Variants in TRERF1 observed in about 807,000 individuals in gnomAD.
TRERF1 encodes the protein transcriptional regulating factor 1.
In TRERF1, 27 loss-of-function variants were observed where a neutral mutation model predicts 122.9. The ratio of observed to expected loss-of-function variants is 0.22; its 90% confidence interval spans 0.16 to 0.30. TRERF1 has a LOEUF of 0.30. Among genes scored for constraint, TRERF1 ranks in the 10% least tolerant of loss-of-function variants. TRERF1 has a pLI of 1.00. For synonymous variants in TRERF1, 636 were observed against 641.7 expected, an observed-to-expected ratio of 0.99 and a Z score of 0.13; for missense variants, 1,248 against 1,560.3, an observed-to-expected ratio of 0.80 and a Z score of 3.37.
intron 12 of TRERF1, among the ~76,000 whole-genome samples, chr6:42,255,567 C>A (rs543740820): frequency 2.0e-5 from 3 of 152,282 alleles, no homozygotes; most frequent in African/African-American, 7.2e-5. Flanking sequence ...GGCCCTACTC[C>A]CAAGCCTCTG....
intron 13 of TRERF1, among the ~76,000 whole-genome samples, chr6:42,252,511 C>G (rs1202876048): frequency 6.6e-6 from 1 of 152,142 alleles, no homozygotes; most frequent in Non-Finnish European, 1.5e-5. Context: ...AGTCAGGAGC[C>G]AAAGGAGATC....
intron 3 of TRERF1, among the ~76,000 whole-genome samples, chr6:42,305,237 G>A (rs1308003415): frequency 5.9e-5 from 9 of 152,176 alleles, no homozygotes. Flanking sequence ...CCTCCTTACA[G>A]GGGTAGAAAT....
chr6:42,273,786 G>A (rs1780671152), intron 4 of TRERF1, among the ~76,000 whole-genome samples: 1 of 152,334 alleles, frequency 6.6e-6, no homozygotes, highest in African/African-American at 2.4e-5. Context: ...TCTTCACTTA[G>A]CCTTCCTTAA....
At chr6:42,312,236 G>A (rs1364039712) in intron 3 of TRERF1, among the ~76,000 whole-genome samples, 1 of 152,132 alleles carries the variant, frequency 6.6e-6, no homozygotes, top group Non-Finnish European at 1.5e-5. Context: ...AGAGCAGTCT[G>A]AATGGAACCT....
chr6:42,241,217 C>T (rs1286312273), intron 15 of TRERF1, among the ~76,000 whole-genome samples: 3 of 151,960 alleles, frequency 2.0e-5, no homozygotes, highest in African/African-American at 4.8e-5. Flanking sequence ...AGGCCACAAA[C>T]GAGCAAAAGA....
chr6:42,365,798 T>G (rs1219605617), intron 2 of TRERF1, among the ~76,000 whole-genome samples: 2 of 152,114 alleles, frequency 1.3e-5, no homozygotes, highest in Non-Finnish European at 2.9e-5. Flanking sequence ...ATGATAAATG[T>G]CTCCTAAGTT....
chr6:42,408,373 C>CTCT (rs1554207124), intron 2 of TRERF1, among the ~76,000 whole-genome samples: 1 of 62,968 alleles, frequency 1.6e-5, no homozygotes, highest in Non-Finnish European at 2.8e-5. Flanking sequence ...ATATATATAT[C>CTCT]TTTTTTTTTT....
chr6:42,434,021 T>C (rs1241857505), intron 2 of TRERF1, among the ~76,000 whole-genome samples: 1 of 152,158 alleles, frequency 6.6e-6, no homozygotes, highest in East Asian at 1.9e-4. Context: ...AGCAAGACCC[T>C]GTCTCTGTTT....
chr6:42,247,329 G>A (rs1211217742), intron 13 of TRERF1, among the ~76,000 whole-genome samples: 2 of 152,216 alleles, frequency 1.3e-5, no homozygotes, highest in Non-Finnish European at 2.9e-5. Flanking sequence ...CAAGCAAGAT[G>A]CTGTACTAGG....
intron 3 of TRERF1, among the ~76,000 whole-genome samples, chr6:42,336,499 C>G (rs534560972): frequency 6.6e-6 from 1 of 152,286 alleles, no homozygotes; most frequent in African/African-American, 2.4e-5. Flanking sequence ...CTTCTGCAGA[C>G]TGCCTTATTT....
At chr6:42,339,222 C>T (rs1164100601) in intron 3 of TRERF1, among the ~76,000 whole-genome samples, 1 of 152,210 alleles carries the variant, frequency 6.6e-6, no homozygotes, top group South Asian at 2.1e-4. Context: ...TTCTCCATCA[C>T]CATTCCTTTG....
chr6:42,331,597 T>G (rs1202007271), intron 3 of TRERF1, among the ~76,000 whole-genome samples: 1 of 152,156 alleles, frequency 6.6e-6, no homozygotes, highest in Non-Finnish European at 1.5e-5. Context: ...TCCCGCAGAA[T>G]GAAGGGCCAC....
chr6:42,383,058 A>G (rs1244066187), intron 2 of TRERF1, among the ~76,000 whole-genome samples: 3 of 152,064 alleles, frequency 2.0e-5, no homozygotes, highest in African/African-American at 7.2e-5. Flanking sequence ...CTGGCTCTCC[A>G]AAAAATAAAA....
chr6:42,277,667 A>G (rs1242344126), intron 4 of TRERF1, among the ~76,000 whole-genome samples: 1 of 152,124 alleles, frequency 6.6e-6, no homozygotes, highest in Non-Finnish European at 1.5e-5. Flanking sequence ...TCTAGGCAAC[A>G]TAGTGAGACC....
intron 4 of TRERF1, among the ~76,000 whole-genome samples, chr6:42,288,574 C>CAAAAAAAAAAAAAAAAAAAA (rs3074797): frequency 2.3e-5 from 2 of 86,548 alleles, no homozygotes; most frequent in Admixed American, 1.2e-4. Flanking sequence ...ATCTCAAAAC[C>CAAAAAAAAAAAAAAAAAAAA]AAAAAAAAAA....
At position 42,259,610 on chromosome 6, in the gene TRERF1, C is replaced by T. The variant is rs745493984; in HGVS notation, c.1998G>A (p.Pro666=). Residue 666 remains proline (P), a synonymous_variant, in exon 9 of 18, where the codon CCG becomes CCA. Coordinates refer to ENST00000372922, the Ensembl canonical transcript of TRERF1. The surrounding 1 kb of genome is among the most constrained non-coding windows in gnomAD (Gnocchi z 4.9). ...CAGCGGGGTTCGGGTTGTAGGAGGGCGGCGGCGGGATGAAGAGAGGTTCCG... is the reference window on the plus strand; with the variant it reads ...CAGCGGGGTTCGGGTTGTAGGAGGGTGGCGGCGGGATGAAGAGAGGTTCCG... The T allele has an allele frequency of 1.9e-6, 3 of 1,613,648 alleles. No individual in the cohort carries two copies. The highest frequency in any genetic ancestry group is 2.5e-6 in the Non-Finnish European group (3 of 1,179,928).
At position 42,309,771 on chromosome 6, in the gene TRERF1, A is replaced by T. The variant is rs899228779; in HGVS notation, c.-370-9022T>A. On this transcript the variant is annotated intron_variant, in intron 3 of 17. Transcript: ENST00000372922. ...AATTTAAAATAAAATAAACTTAAAA[A>T]TTTACTTTATTTTATTATTTTGTTT... is the stretch of plus-strand genomic sequence containing the variant. Among the ~76,000 whole-genome samples, 8 of 152,138 alleles carry T rather than the reference A, an allele frequency of 5.3e-5. No homozygotes were observed. In the South Asian group the frequency reaches 6.2e-4, roughly 12 times the overall value.
chr6:42,388,510 C>A (rs1199458528), intron 2 of TRERF1, among the ~76,000 whole-genome samples: 1 of 152,072 alleles, frequency 6.6e-6, no homozygotes, highest in East Asian at 1.9e-4. Context: ...CAGACTGCCA[C>A]GAGATCTGCC....
At chr6:42,407,314 G>C (rs190895771) in intron 2 of TRERF1, among the ~76,000 whole-genome samples, 1 of 152,182 alleles carries the variant, frequency 6.6e-6, no homozygotes, top group African/African-American at 2.4e-5. Flanking sequence ...TCTTTTCACC[G>C]TTATTCGCAA....
Sources: allele counts gnomAD v4.1 joint callset (sites outside exome capture counted in the v4.1 genomes callset), GRCh38; gene constraint gnomAD v4.1.1; non-coding constraint Gnocchi (gnomAD v3.1); transcripts MANE v1.5; gene names NCBI Gene and HGNC (gene_info 2026-07-23, HGNC 2026-07-21).